The following TSR1 variants were observed in gnomAD, a reference collection of about 807,000 sequenced individuals.
TSR1 encodes pre-rRNA-processing protein TSR1 homolog.
Under a neutral mutation model 90.9 loss-of-function variants are expected in TSR1, and 81 were observed. That is an observed-to-expected ratio of 0.89 (90% CI 0.74 to 1.07). The LOEUF is 1.07. Among genes scored for constraint, TSR1 ranks in the 50% least tolerant of loss-of-function variants. TSR1 has a pLI of 0.00. For missense variants in TSR1, 989 were observed against 987.3 expected, an observed-to-expected ratio of 1.00 and a Z score of -0.02; for synonymous variants, 362 against 348.8, an observed-to-expected ratio of 1.04 and a Z score of -0.42.
At position 2,333,118 on chromosome 17, in the gene TSR1, A is replaced by C; in HGVS notation, c.1148T>G (p.Leu383Trp). ...EEELSEAKDF[L>W]KESSKVVKKV... ...CTTTACCACCTTAGAACTTTCCTTC[A>C]AGAAATCTGTAAAAGCCCAAACAAA... The change falls in exon 7 of 15, where the codon TTG becomes TGG. Residue 383 changes from leucine (L) to tryptophan (W), a missense_variant. Leu to Trp is a moderately conservative substitution (Grantham distance 61). Transcript: ENST00000301364. The C allele has an allele frequency of 1.2e-6, 2 of 1,613,172 alleles. No individual in the cohort carries two copies. Among genetic ancestry groups the C allele is most frequent in the Non-Finnish European group, 1.7e-6 (2 of 1,179,570 alleles).
At chr17:2,327,943 C>T (rs1326762204) in intron 11 of TSR1, among the ~76,000 whole-genome samples, 1 of 151,676 alleles carries the variant, frequency 6.6e-6, no homozygotes, top group Non-Finnish European at 1.5e-5. Flanking sequence ...AAATCAAAAC[C>T]ATTTTGAAAC....
chr17:2,323,695 T>C lies in TSR1; in HGVS notation c.*501A>G, dbSNP rs567278233. Reference sequence around the variant, plus strand: ...GTGTGGGAGAGGATGAAACTACTCATTGAACCTACAGCTGGTGTTGGAGTG... The same window carrying C: ...GTGTGGGAGAGGATGAAACTACTCACTGAACCTACAGCTGGTGTTGGAGTG... On this transcript the variant is annotated 3_prime_UTR_variant, in exon 15 of 15. Coordinates refer to ENST00000301364, the MANE Select transcript of TSR1 (RefSeq NM_018128.5). The C allele has an allele frequency of 1.3e-5, 21 of 1,614,214 alleles. No homozygotes were observed. Among genetic ancestry groups the C allele is most frequent in the East Asian group, 4.5e-5 (2 of 44,890 alleles).
At chr17:2,335,898 C>T in intron 2 of TSR1, 139 bp downstream of exon 2, 1 of 1,215,772 alleles carries the variant, frequency 8.2e-7, no homozygotes, top group Non-Finnish European at 1.2e-6. Flanking sequence ...GCAAAGAATG[C>T]TAGACCTGCA....
chr17:2,325,462 G>A, intron 11 of TSR1, 42 bp from the exon 12 acceptor site: 1 of 1,494,372 alleles, frequency 6.7e-7, no homozygotes, highest in Non-Finnish European at 9.2e-7. Context: ...ACCATTTTGA[G>A]AAACCAGAGG....
Position 2,336,442 on chromosome 17 carries a change from G to C in TSR1, c.-15C>G. The C allele has an allele frequency of 5.6e-6, 9 of 1,607,584 alleles. No homozygotes were observed. The highest frequency in any genetic ancestry group is 7.6e-6 in the Non-Finnish European group (9 of 1,179,390). Reference sequence around the variant, plus strand: ...TGGGCCGCCATGCCGCAGCGCGCGTGTACGGAGTCAGCACTGCTTCCGGGC... The same window carrying C: ...TGGGCCGCCATGCCGCAGCGCGCGTCTACGGAGTCAGCACTGCTTCCGGGC... On this transcript the variant is annotated 5_prime_UTR_variant, in exon 1 of 15. Transcript: ENST00000301364.
In TSR1 at chr17:2,324,671, C is replaced by T; in HGVS notation, c.2161+18G>A. ...ACCACAAAGGCAATCAGATCCCATC[C>T]TCCTCCTTCATACCCACCTCTGTTG... On this transcript the variant is annotated intron_variant, in intron 13 of 14. Transcript: ENST00000301364. The T allele has an allele frequency of 1.2e-6, 2 of 1,614,024 alleles. No individual in the cohort carries two copies. Among genetic ancestry groups the T allele is most frequent in the Non-Finnish European group, 8.5e-7 (1 of 1,179,996 alleles).
chr17:2,331,138 T>G, intron 8 of TSR1, 29 bp from the exon 9 acceptor site: 11 of 1,545,856 alleles, frequency 7.1e-6, no homozygotes, highest in Non-Finnish European at 9.5e-6. Context: ...TTAAAGACAT[T>G]AAGTCAGATT....
chr17:2,323,148 A>C lies in TSR1; in HGVS notation c.*1048T>G. ...TTCCTCTTCCCAGGCTCTGAAACCT[A>C]GTGTGAAGGTATATGCTGCTGAACC... On this transcript the variant is annotated 3_prime_UTR_variant, in exon 15 of 15. Transcript: ENST00000301364. 6.2e-7 allele frequency: 1 copy of C among 1,614,156 alleles called. No homozygotes were observed.
chr17:2,332,062 G>C, intron 8 of TSR1, 107 bp downstream of exon 8: 1 of 1,309,982 alleles, frequency 7.6e-7, no homozygotes, highest in Non-Finnish European at 1.1e-6. Flanking sequence ...TTCAGGAGCA[G>C]AAAAAATGTG....
chr17:2,333,355 C>T, intron 6 of TSR1: 1 of 873,574 alleles, frequency 1.1e-6, no homozygotes, highest in Non-Finnish European at 1.9e-6. Flanking sequence ...CATGATAAAA[C>T]ATTAACACAA....
chr17:2,334,582 T>C lies in TSR1; in HGVS notation c.871A>G (p.Ile291Val). ...ATCTGGAAATCACCATATCCAACGA[T>C]ATGCAGCAACCTATTGACATTCAGA... ...QTLNVNRLLHIVGYGDFQMKQ... is the reference protein window; with the variant it reads ...QTLNVNRLLHVVGYGDFQMKQ... The change falls in exon 5 of 15, where the codon ATC becomes GTC. Residue 291 changes from isoleucine (I) to valine (V), a missense_variant. Transcript: ENST00000301364. The C allele has an allele frequency of 6.2e-7, 1 of 1,614,218 alleles. No homozygotes were observed. Among genetic ancestry groups the C allele is most frequent in the Non-Finnish European group, 8.5e-7 (1 of 1,180,046 alleles).
At chr17:2,327,416 CAAAAAA>C (rs770269783) in intron 11 of TSR1, among the ~76,000 whole-genome samples, 3 of 126,616 alleles carry the variant, frequency 2.4e-5, no homozygotes, top group African/African-American at 8.8e-5. Flanking sequence ...GACTCTATAT[CAAAAAA>C]AAAAAAAAAA....
At position 2,323,800 on chromosome 17, in the gene TSR1, T is replaced by G; in HGVS notation, c.*396A>C. 1 of 1,614,220 alleles carries G rather than the reference T, an allele frequency of 6.2e-7. No homozygotes were observed. The highest frequency in any genetic ancestry group is 2.2e-5 in the East Asian group (1 of 44,886). The stretch of plus-strand genomic sequence containing the variant: ...TGTATTGTGCTCAGTGGTGGAAATG[T>G]AGACTTAACCTCCTCCATAACTTGG... On this transcript the variant is annotated 3_prime_UTR_variant, in exon 15 of 15. Coordinates refer to ENST00000301364, the MANE Select transcript of TSR1 (RefSeq NM_018128.5).
intron 2 of TSR1, 101 bp from the exon 3 acceptor site, chr17:2,335,831 A>ATCTC: frequency 3.6e-6 from 5 of 1,391,412 alleles, no homozygotes; most frequent in Non-Finnish European, 4.9e-6. Flanking sequence ...CAAAACCAGC[A>ATCTC]TCTCTCTAGT....
Position 2,323,968 on chromosome 17 carries a change from A to G in TSR1, c.*228T>C, listed in dbSNP as rs2075556956. Reference sequence around the variant, plus strand: ...TCAACTCTTAGTTATCAGATTCTTAATGGAGAGTGGCTATTTCATTAAGAT... The same window carrying G: ...TCAACTCTTAGTTATCAGATTCTTAGTGGAGAGTGGCTATTTCATTAAGAT... On this transcript the variant is annotated 3_prime_UTR_variant, in exon 15 of 15. Transcript: ENST00000301364. 5 of 1,230,934 alleles carry G rather than the reference A, an allele frequency of 4.1e-6. No individual in the cohort carries two copies. 76.3% of individuals were successfully genotyped at this position (1,230,934 alleles called of 1,614,324 possible).
rs768639431 is a variant in TSR1, at chr17:2,325,435, A to G, written c.1904-15T>C. On this transcript the variant is annotated splice_polypyrimidine_tract_variant and intron_variant, in intron 11 of 14. Transcript: ENST00000301364. ...ATGTTTGTCCGCTGCCATAAGGGTTAAAAAATGAAAAGCAAAACCATTTTG... is the reference window on the plus strand; with the variant it reads ...ATGTTTGTCCGCTGCCATAAGGGTTGAAAAATGAAAAGCAAAACCATTTTG... 4 of 1,594,550 alleles carry G rather than the reference A, an allele frequency of 2.5e-6. No individual in the cohort carries two copies. In the Admixed American group the frequency reaches 7.1e-5, roughly 28 times the overall value.
Position 2,336,404 on chromosome 17 carries a change from C to A in TSR1, c.24G>T (p.Pro8=). 3.1e-6 allele frequency: 5 copies of A among 1,611,866 alleles called. No homozygotes were observed. The Admixed American group carries it at 5.0e-5, about 16-fold the overall frequency. ...TATGAGCTTTATTCTGCTGCTTGAG[C>A]GGGCCGGGGCGGTGGGCCGCCATGC... The part of the protein sequence containing the change: MAAHRPG[P]LKQQNKAHKG... The change falls in exon 1 of 15, where the codon CCG becomes CCT. Residue 8 remains proline (P), a synonymous_variant. Transcript: ENST00000301364.
At position 2,332,469 on chromosome 17, in the gene TSR1, C is replaced by G. The variant is rs369350552; in HGVS notation, c.1306-110G>C. The G allele has an allele frequency of 2.2e-4, 208 of 939,980 alleles. 3 individuals carry two copies. In the South Asian group the frequency reaches 2.7e-3, roughly 12 times the overall value. The allele number at this position is 939,980 out of a possible 1,614,324, so 58.2% of individuals were successfully genotyped here. A position where few individuals can be genotyped will look rare whatever the true frequency, so the allele number is the denominator to read the frequency against. On this transcript the variant is annotated intron_variant, in intron 7 of 14. Transcript: ENST00000301364. Reference sequence around the variant, plus strand: ...GTACTAGATCCCTATTCCCAACCAACATAAATTCTAATACAGTCTAAAGTA... The same window carrying G: ...GTACTAGATCCCTATTCCCAACCAAGATAAATTCTAATACAGTCTAAAGTA...
rs201123918 is a variant in TSR1, at chr17:2,331,896, T to C, written c.1496+273A>G. 3.3e-5 allele frequency among the ~76,000 whole-genome samples: 5 copies of C among 152,322 alleles called. 1 individual carries two copies. In the East Asian group the frequency reaches 7.7e-4, roughly 23 times the overall value. ...CCAAACATTATATACTTCAATTGAG[T>C]ACTGGCTCCTTTGGGAAGAAGTATT... On this transcript the variant is annotated intron_variant, in intron 8 of 14. Coordinates refer to ENST00000301364, the MANE Select transcript of TSR1 (RefSeq NM_018128.5).
Sources: gnomAD v4.1 joint callset for allele counts (sites outside exome capture counted in the v4.1 genomes callset) on GRCh38, gnomAD v4.1.1 for gene constraint, MANE v1.5 for transcripts, NCBI Gene and HGNC (gene_info 2026-07-23, HGNC 2026-07-21) for gene names.